The following SPEG variants were observed in gnomAD, a reference collection of about 807,000 sequenced individuals.
The protein encoded by SPEG is striated muscle preferentially expressed protein kinase.
In SPEG, 114 loss-of-function variants were observed where a neutral mutation model predicts 300.4. The ratio of observed to expected loss-of-function variants is 0.38; its 90% confidence interval spans 0.33 to 0.44. SPEG has a LOEUF of 0.44. Ranked by LOEUF, SPEG falls within the 20% of genes least tolerant of loss-of-function variation. The probability of loss-of-function intolerance (pLI) is 1.00; values close to 1 mark genes in which losing one functional copy is unlikely to be tolerated. For missense variants in SPEG, 4,201 were observed against 4,586.2 expected, an observed-to-expected ratio of 0.92 and a Z score of 2.43; for synonymous variants, 1,964 against 2,018.9, an observed-to-expected ratio of 0.97 and a Z score of 0.73.
rs574997463 is a variant in SPEG, at chr2:219,444,342, G to A, written c.389-311G>A. On this transcript the variant is annotated intron_variant, in intron 1 of 40. Coordinates refer to ENST00000312358, the MANE Select transcript of SPEG (RefSeq NM_005876.5). The surrounding 1 kb of genome is among the most constrained non-coding windows in gnomAD (Gnocchi z 7.8). ...AGCTTTCACTGACAAGGGGAGGAGGGAGAAGGGAGGAGGCTCTGATAATCC... is the reference window on the plus strand; with the variant it reads ...AGCTTTCACTGACAAGGGGAGGAGGAAGAAGGGAGGAGGCTCTGATAATCC... 3.9e-5 allele frequency among the ~76,000 whole-genome samples: 6 copies of A among 152,334 alleles called. No individual in the cohort carries two copies. Among genetic ancestry groups the A allele is most frequent in the Admixed American group, 3.9e-4 (6 of 15,304 alleles).
rs2125592510 is a variant in SPEG at position 219,489,561 on chromosome 2, G to C, written c.8543G>C (p.Arg2848Thr). The change falls in exon 36 of 41, where the codon AGA becomes ACA. Residue 2848 changes from arginine (R) to threonine (T), a missense_variant. This residue lies in a region of SPEG where 1,578 missense variants were observed against 1,506.0 expected (regional missense o/e 1.05). Transcript: ENST00000312358. ...CCACCACCCCAAACCCCTCCACGAA[G>C]ACACAGGGGCCTGCAGGCTGCCCGG... The part of the protein sequence containing the change: ...VGPPPQTPPR[R>T]HRGLQAARPA... 1.9e-5 allele frequency: 30 copies of C among 1,612,870 alleles called. No individual in the cohort carries two copies. The highest frequency in any genetic ancestry group is 2.5e-5 in the Non-Finnish European group (30 of 1,179,840).
chr2:219,483,518 G>T lies in SPEG; in HGVS notation c.6055G>T (p.Ala2019Ser). 7.1e-7 allele frequency: 1 copy of T among 1,410,920 alleles called. No homozygotes were observed. The highest frequency in any genetic ancestry group is 1.5e-5 in the South Asian group (1 of 65,182). The allele number at this position is 1,410,920 out of a possible 1,614,324, so 87.4% of individuals were successfully genotyped here. The change falls in exon 30 of 41, where the codon GCC (alanine) becomes TCC (serine). Residue 2019 changes from alanine (A) to serine (S), a missense_variant. Physicochemically the swap from Ala to Ser is moderately conservative, Grantham distance 99. Around this residue, in one of 4 missense-constraint regions of SPEG, gnomAD observed 1,578 missense variants for 1,506.0 expected, o/e 1.05. Coordinates refer to ENST00000312358, the MANE Select transcript of SPEG (RefSeq NM_005876.5). ...ELRRGSSAES[A>S]LPRAGPRELG... ...CCGCAGGGGCAGCTCGGCTGAGAGC[G>T]CCCTGCCCCGGGCCGGGCCGCGGGA...
At position 219,444,199 on chromosome 2, in the gene SPEG, C is replaced by G; in HGVS notation, c.389-454C>G. 3.7e-6 allele frequency: 2 copies of G among 543,514 alleles called. No homozygotes were observed. Among genetic ancestry groups the G allele is most frequent in the South Asian group, 3.1e-5 (2 of 65,134 alleles). The allele number at this position is 543,514 out of a possible 1,614,324, so 33.7% of individuals were successfully genotyped here. ...AGGACAGGCTGGCCCCGCGGTTGGTCGAGTGCCCTGGCAGTACGACTCTGA... is the reference window on the plus strand; with the variant it reads ...AGGACAGGCTGGCCCCGCGGTTGGTGGAGTGCCCTGGCAGTACGACTCTGA... On this transcript the variant is annotated intron_variant, in intron 1 of 40. Transcript: ENST00000312358. This position sits in a 1 kb window ranked among gnomAD's most constrained non-coding sequence, Gnocchi z 7.8.
chr2:219,451,530 G>A lies in SPEG; in HGVS notation c.2258-95G>A. ...GATTCCCTGGGGTGCTGAGAGGAGA[G>A]GTTTGGTCTCCTGTGTGGTGTGTGG... is the stretch of plus-strand genomic sequence containing the variant. On this transcript the variant is annotated intron_variant, in intron 5 of 40. Coordinates refer to ENST00000312358, the MANE Select transcript of SPEG (RefSeq NM_005876.5). This position sits in a 1 kb window ranked among gnomAD's most constrained non-coding sequence, Gnocchi z 6.4. 7.7e-7 allele frequency: 1 copy of A among 1,291,480 alleles called. No homozygotes were observed. The highest frequency in any genetic ancestry group is 1.0e-6 in the Non-Finnish European group (1 of 972,360). 80.0% of individuals were successfully genotyped at this position (1,291,480 alleles called of 1,614,324 possible). A position where few individuals can be genotyped will look rare whatever the true frequency, so the allele number is the denominator to read the frequency against.
chr2:219,447,765 A>G (rs889070570), intron 3 of SPEG, among the ~76,000 whole-genome samples: 1 of 149,262 alleles, frequency 6.7e-6, no homozygotes, highest in African/African-American at 2.5e-5. Context: ...CATTAGCCCA[A>G]TCTTGTGGTT....
Position 219,444,784 on chromosome 2 carries a change from C to T in SPEG, c.479-41C>T, listed in dbSNP as rs1249567118. ...TACAAAGAGCAGGCAGGCGGGTTTT[C>T]CATAAGGGGTGCCTCAGTCTCACGG... On this transcript the variant is annotated intron_variant, in intron 2 of 40. Coordinates refer to ENST00000312358, the MANE Select transcript of SPEG (RefSeq NM_005876.5). This position sits in a 1 kb window ranked among gnomAD's most constrained non-coding sequence, Gnocchi z 7.8. 3.1e-6 allele frequency: 5 copies of T among 1,611,886 alleles called. No homozygotes were observed. Among genetic ancestry groups the T allele is most frequent in the African/African-American group, 2.7e-5 (2 of 74,822 alleles).
At chr2:219,436,813 C>A (rs546471496) in intron 1 of SPEG, among the ~76,000 whole-genome samples, 1 of 152,020 alleles carries the variant, frequency 6.6e-6, no homozygotes, top group South Asian at 2.1e-4. Context: ...TAGCAGACTT[C>A]GGAGCTGGGG....
chr2:219,440,417 A>G (rs1488942977), intron 1 of SPEG, among the ~76,000 whole-genome samples: 1 of 152,008 alleles, frequency 6.6e-6, no homozygotes, highest in African/African-American at 2.4e-5. Context: ...AAAATAAGAT[A>G]AAGGGGCCAC....
chr2:219,482,707 A>C, intron 28 of SPEG, 77 bp from the exon 29 acceptor site: 2 of 1,333,098 alleles, frequency 1.5e-6, no homozygotes, highest in Non-Finnish European at 2.1e-6. Flanking sequence ...CGCCCCATGG[A>C]CTTTGTCTCT....
At chr2:219,461,177 G>A in intron 6 of SPEG, 1 of 978,108 alleles carries the variant, frequency 1.0e-6, no homozygotes, top group Non-Finnish European at 1.2e-6. Context: ...CTCCCCCAAG[G>A]CTGACTCTGG....
In SPEG at chr2:219,477,111, C is replaced by G. The variant is rs1009536047; in HGVS notation, c.4560+129C>G. The G allele has an allele frequency of 9.9e-7, 1 of 1,013,500 alleles. No homozygotes were observed. Among genetic ancestry groups the G allele is most frequent in the Non-Finnish European group, 1.4e-6 (1 of 700,656 alleles). The allele number at this position is 1,013,500 out of a possible 1,614,324, so 62.8% of individuals were successfully genotyped here. ...GTGGTTAGGAGGAGGAAAGGGGCTGCAGAGGACTGACTAGCTGAGGGGTGC... is the reference window on the plus strand; with the variant it reads ...GTGGTTAGGAGGAGGAAAGGGGCTGGAGAGGACTGACTAGCTGAGGGGTGC... On this transcript the variant is annotated intron_variant, in intron 19 of 40. Coordinates refer to ENST00000312358, the MANE Select transcript of SPEG (RefSeq NM_005876.5). The surrounding 1 kb of genome is among the most constrained non-coding windows in gnomAD (Gnocchi z 6.4).
rs1553607015 is a variant in SPEG, at chr2:219,448,828, C to T, written c.1670C>T (p.Ser557Phe). 1 of 1,401,782 alleles carries T rather than the reference C, an allele frequency of 7.1e-7. No individual in the cohort carries two copies. Among genetic ancestry groups the T allele is most frequent in the Non-Finnish European group, 9.2e-7 (1 of 1,085,858 alleles). 86.8% of individuals were successfully genotyped at this position (1,401,782 alleles called of 1,614,324 possible). ...AGCCCCGCCGCCGCCCAGCCGCCCT[C>T]TCCGAGCAGCGCGGAGAAGCCGGGG... ...AVSPAAAQPP[S>F]PSSAEKPGDE... Residue 557 changes from serine to phenylalanine, a missense_variant, in exon 4 of 41, where the codon TCT (serine) becomes TTT (phenylalanine). This residue lies in a region of SPEG where 1,258 missense variants were observed against 1,293.9 expected (regional missense o/e 0.97). Coordinates refer to ENST00000312358, the MANE Select transcript of SPEG (RefSeq NM_005876.5).
chr2:219,440,789 T>C (rs1954842499), intron 1 of SPEG, among the ~76,000 whole-genome samples: 1 of 152,162 alleles, frequency 6.6e-6, no homozygotes, highest in African/African-American at 2.4e-5. Context: ...CTTCCTCTTG[T>C]CGTGAGGATT....
In SPEG at chr2:219,449,221, C is replaced by A; in HGVS notation, c.2063C>A (p.Ala688Asp). The change falls in exon 4 of 41, where the codon GCC (alanine) becomes GAC (aspartate). Residue 688 changes from alanine to aspartate, a missense_variant. Physicochemically the swap from Ala to Asp is moderately radical, Grantham distance 126. Transcript: ENST00000312358. Reference protein sequence around the residue: ...GPWGPWDRRGARSQGKGRRAR... With the variant: ...GPWGPWDRRGDRSQGKGRRAR... ...TGGGGGCCCTGGGACCGCCGAGGGG[C>A]CCGCAGCCAGGGCAAAGGTCGCCGG... is the stretch of plus-strand genomic sequence containing the variant. 4.3e-6 allele frequency: 6 copies of A among 1,393,754 alleles called. No individual in the cohort carries two copies. Among genetic ancestry groups the A allele is most frequent in the Non-Finnish European group, 3.7e-6 (4 of 1,074,604 alleles). 86.3% of individuals were successfully genotyped at this position (1,393,754 alleles called of 1,614,324 possible).
At position 219,448,415 on chromosome 2, in the gene SPEG, G is replaced by A; in HGVS notation, c.1257G>A (p.Ser419=). The change falls in exon 4 of 41, where the codon TCG becomes TCA. Residue 419 remains serine (S), a synonymous_variant. Transcript: ENST00000312358. ...GGCGCAGCCTGGAGCGCAGCGACTC[G>A]CCGCCGGCGCCCCTGCGGCCCTGGG... ...ERRRSLERSD[S]PPAPLRPWVP... The A allele has an allele frequency of 2.0e-6, 3 of 1,525,256 alleles. No homozygotes were observed. The highest frequency in any genetic ancestry group is 8.8e-7 in the Non-Finnish European group (1 of 1,142,024). The allele number at this position is 1,525,256 out of a possible 1,614,324, so 94.5% of individuals were successfully genotyped here.
chr2:219,483,131 C>T lies in SPEG; in HGVS notation c.5668C>T (p.Leu1890=). 6.2e-7 allele frequency: 1 copy of T among 1,608,630 alleles called. No individual in the cohort carries two copies. ...SQISYKCHLV[L]RPIPELLRAP... is the part of the protein sequence containing the mutation. ...GATCAGCTACAAATGCCACCTGGTG[C>T]TGCGCCCCATCCCCGAGCTGCTGCG... The change falls in exon 30 of 41, where the codon CTG becomes TTG. Residue 1890 remains leucine, a synonymous_variant. Coordinates refer to ENST00000312358, the MANE Select transcript of SPEG (RefSeq NM_005876.5).
At position 219,479,720 on chromosome 2, in the gene SPEG, C is replaced by A; in HGVS notation, c.5086-63C>A. The A allele has an allele frequency of 6.6e-7, 1 of 1,513,648 alleles. No individual in the cohort carries two copies. The highest frequency in any genetic ancestry group is 9.2e-7 in the Non-Finnish European group (1 of 1,090,970). The allele number at this position is 1,513,648 out of a possible 1,614,324, so 93.8% of individuals were successfully genotyped here. The stretch of plus-strand genomic sequence containing the variant: ...CAGGCACAGCCGGACCGCTTGCCGC[C>A]CTGGAGGTGTTCAGACATACACCAC... On this transcript the variant is annotated intron_variant, in intron 23 of 40. Coordinates refer to ENST00000312358, the MANE Select transcript of SPEG (RefSeq NM_005876.5). This position sits in a 1 kb window ranked among gnomAD's most constrained non-coding sequence, Gnocchi z 5.5.
rs1693185910 is a variant in SPEG at position 219,484,456 on chromosome 2, C to A, written c.6993C>A (p.Ala2331=). The stretch of plus-strand genomic sequence containing the variant: ...GCATCGAAAACTTGGAGTCGGAGGC[C>A]GTGTTCGAGGCCAAGTTCAAGCGCA... ...SSSIENLESE[A]VFEAKFKRSR... is the part of the protein sequence containing the mutation. The change falls in exon 30 of 41, where the codon GCC becomes GCA. Residue 2331 remains alanine (A), a synonymous_variant. Coordinates refer to ENST00000312358, the MANE Select transcript of SPEG (RefSeq NM_005876.5). 1 of 1,611,336 alleles carries A rather than the reference C, an allele frequency of 6.2e-7. No homozygotes were observed. Among genetic ancestry groups the A allele is most frequent in the African/African-American group, 1.3e-5 (1 of 75,026 alleles).
Position 219,477,667 on chromosome 2 carries a change from C to T in SPEG, c.4730-22C>T. The T allele has an allele frequency of 6.5e-7, 1 of 1,545,516 alleles. No homozygotes were observed. Among genetic ancestry groups the T allele is most frequent in the Non-Finnish European group, 8.8e-7 (1 of 1,141,808 alleles). ...CTTGCTTTCTTCCCCTCCCACCTAA[C>T]ACCATGACATCTCTGCCCCAGCTCA... On this transcript the variant is annotated intron_variant, in intron 20 of 40. Coordinates refer to ENST00000312358, the MANE Select transcript of SPEG (RefSeq NM_005876.5). The surrounding 1 kb of genome is among the most constrained non-coding windows in gnomAD (Gnocchi z 6.4).
Sources: gnomAD v4.1 joint callset for allele counts (sites outside exome capture counted in the v4.1 genomes callset) on GRCh38, gnomAD v4.1.1 for gene constraint, gnomAD v4.1.1 regional missense constraint, Gnocchi (gnomAD v3.1) non-coding constraint, MANE v1.5 for transcripts, NCBI Gene and HGNC (gene_info 2026-07-23, HGNC 2026-07-21) for gene names.